The following SGCD variants were observed in gnomAD, a reference collection of about 807,000 sequenced individuals.
SGCD encodes the protein sarcoglycan delta.
A neutral mutation model predicts 36.6 loss-of-function variants in SGCD; 18 were observed. The ratio of observed to expected loss-of-function variants is 0.49; its 90% CI spans 0.34 to 0.73. The LOEUF (loss-of-function observed/expected upper bound fraction) is 0.73, where lower values mean the gene tolerates loss of function less well. Among genes scored for constraint, SGCD ranks in the 30% least tolerant of loss-of-function variants. SGCD has a pLI of 0.01. For missense variants in SGCD, 387 were observed against 346.7 expected (o/e 1.12, Z -0.92); for synonymous variants, 133 against 130.6 (o/e 1.02, Z -0.12).
At chr5:156,036,671 C>T (rs1273826976) in intron 1 of SGCD, among the ~76,000 whole-genome samples, 1 of 151,994 alleles carries the variant, frequency 6.6e-6, no homozygotes, top group Non-Finnish European at 1.5e-5. Context: ...TTATTTATTC[C>T]CTTCCTCAAT....
At chr5:155,969,629 T>G (rs1264542879) in intron 1 of SGCD, among the ~76,000 whole-genome samples, 2 of 152,102 alleles carry the variant, frequency 1.3e-5, no homozygotes, top group Non-Finnish European at 2.9e-5. Context: ...CTGCGCCCTG[T>G]GTGTCTGACA....
At chr5:155,875,602 T>G (rs1471196107) in intron 1 of SGCD, among the ~76,000 whole-genome samples, 1 of 152,082 alleles carries the variant, frequency 6.6e-6, no homozygotes, top group African/African-American at 2.4e-5. Context: ...GCATTTCAAT[T>G]TATTATTTTT....
At chr5:156,367,596 T>C (rs191208060) in intron 3 of SGCD, among the ~76,000 whole-genome samples, 1 of 152,170 alleles carries the variant, frequency 6.6e-6, no homozygotes, top group Non-Finnish European at 1.5e-5. Flanking sequence ...CGGAACAACA[T>C]TTAGCTGTAG....
intron 1 of SGCD, among the ~76,000 whole-genome samples, chr5:156,113,110 C>T (rs751634458): frequency 1.4e-4 from 21 of 152,130 alleles, no homozygotes; most frequent in East Asian, 5.8e-4. Flanking sequence ...CTCTTCTATG[C>T]GGTGAGCCCA....
At chr5:156,415,233 C>A (rs1772964987) in intron 3 of SGCD, among the ~76,000 whole-genome samples, 1 of 152,038 alleles carries the variant, frequency 6.6e-6, no homozygotes, top group African/African-American at 2.4e-5. Flanking sequence ...CCAGACCAGC[C>A]ACAGTTTTAA....
chr5:156,030,341 C>A (rs1419915789), intron 1 of SGCD, among the ~76,000 whole-genome samples: 2 of 152,048 alleles, frequency 1.3e-5, no homozygotes, highest in African/African-American at 4.8e-5. Context: ...AGTCCTAATC[C>A]AATAATGGCT....
At chr5:156,424,014 G>C (rs552631902) in intron 3 of SGCD, among the ~76,000 whole-genome samples, 6 of 152,014 alleles carry the variant, frequency 3.9e-5, no homozygotes, top group African/African-American at 1.4e-4. Flanking sequence ...CTACTCCTCT[G>C]TTCGTGGCAC....
At chr5:156,281,299 A>G (rs1766446999) in intron 3 of SGCD, among the ~76,000 whole-genome samples, 1 of 152,140 alleles carries the variant, frequency 6.6e-6, no homozygotes, top group African/African-American at 2.4e-5. Flanking sequence ...CCATATCTGG[A>G]TACTGACTTC....
chr5:156,295,914 T>C (rs918854770), intron 3 of SGCD, among the ~76,000 whole-genome samples: 1 of 152,138 alleles, frequency 6.6e-6, no homozygotes, highest in Non-Finnish European at 1.5e-5. Flanking sequence ...AGAAGCAATG[T>C]ATTACTTACA....
the SGCD span, among the ~76,000 whole-genome samples, chr5:155,806,754 C>A: frequency 6.6e-6 from 1 of 152,096 alleles, no homozygotes; most frequent in South Asian, 2.1e-4. Flanking sequence ...TCAGAAAAGA[C>A]AGCAATGAAA....
chr5:155,898,164 T>C (rs563909480), intron 1 of SGCD, among the ~76,000 whole-genome samples: 23 of 152,242 alleles, frequency 1.5e-4, no homozygotes, highest in Non-Finnish European at 2.8e-4. Flanking sequence ...GGGATACTTA[T>C]CAGCAATTAC....
chr5:155,750,158 T>C, the SGCD span, among the ~76,000 whole-genome samples: 1 of 152,226 alleles, frequency 6.6e-6, no homozygotes, highest in Non-Finnish European at 1.5e-5. Context: ...AAGCAAGTTA[T>C]GAAACAAACC....
At chr5:156,068,863 C>G (rs1760432841) in intron 1 of SGCD, among the ~76,000 whole-genome samples, 1 of 151,992 alleles carries the variant, frequency 6.6e-6, no homozygotes, top group Non-Finnish European at 1.5e-5. Flanking sequence ...TTGCATTTCT[C>G]TGATAGCCAG....
the SGCD span, among the ~76,000 whole-genome samples, chr5:155,763,225 A>G: frequency 1.3e-5 from 2 of 152,252 alleles, no homozygotes; most frequent in African/African-American, 4.8e-5. Flanking sequence ...TGAAGGAATT[A>G]TAATGAAATC....
chr5:156,063,322 T>A (rs1293964918), intron 1 of SGCD, among the ~76,000 whole-genome samples: 7 of 11,820 alleles, frequency 5.9e-4, no homozygotes, highest in African/African-American at 3.4e-3. Context: ...TACCATGCTG[T>A]TTTGGTTACT....
chr5:155,980,845 C>T (rs189895363), intron 1 of SGCD, among the ~76,000 whole-genome samples: 77 of 152,104 alleles, frequency 5.1e-4, no homozygotes, highest in Non-Finnish European at 9.3e-4. Context: ...ATTAGTCCTA[C>T]ATGCTGGACA....
intron 7 of SGCD, among the ~76,000 whole-genome samples, chr5:156,722,959 T>A (rs1755584853): frequency 6.6e-6 from 1 of 152,206 alleles, no homozygotes; most frequent in Admixed American, 6.5e-5. Flanking sequence ...CAAATATGTC[T>A]TCATTTAGGG....
rs966795705 is a variant in SGCD at position 155,956,803 on chromosome 5, C to CCG, written c.-282+86380_-282+86381insGC. 3.9e-4 allele frequency among the ~76,000 whole-genome samples: 59 copies of CCG among 150,694 alleles called. 1 individual carries two copies. Among genetic ancestry groups the CCG allele is most frequent in the African/African-American group, 1.4e-3 (57 of 41,004 alleles). ...CCTTTTTGTTGGACTCAGGGCCCCC[C>CCG]CCCCCGGTTAATCCAGGATGATCTA... On this transcript the variant is annotated intron_variant, in intron 1 of 9. Coordinates refer to the SGCD transcript ENST00000517913.
chr5:156,061,948 A>AAACAAG (rs1760223890), intron 1 of SGCD, among the ~76,000 whole-genome samples: 4 of 42,638 alleles, frequency 9.4e-5, no homozygotes, highest in African/African-American at 4.5e-4. Flanking sequence ...TTTTTTTATT[A>AAACAAG]TACTCTAAGT....
Sources: gnomAD v4.1 joint callset for allele counts (sites outside exome capture counted in the v4.1 genomes callset) on GRCh38, gnomAD v4.1.1 for gene constraint, MANE v1.5 for transcripts, NCBI Gene and HGNC (gene_info 2026-07-23, HGNC 2026-07-21) for gene names.